AVEN: variants seen among roughly 807,000 people sequenced by gnomAD.
AVEN encodes the protein cell death regulator Aven.
A neutral mutation model predicts 38.1 loss-of-function variants in AVEN; 41 were observed. The observed-to-expected ratio is 1.08, with a 90% CI of 0.84 to 1.40. AVEN has a LOEUF of 1.40. Among genes scored for constraint, AVEN ranks in the 40% most tolerant of loss-of-function variants. The pLI is 0.00. For missense variants in AVEN, 605 were observed against 438.8 expected, an observed-to-expected ratio of 1.38 and a Z score of -3.38; for synonymous variants, 206 against 171.8, an observed-to-expected ratio of 1.20 and a Z score of -1.56.
chr15:33,897,845 G>A (rs955779094), intron 2 of AVEN, among the ~76,000 whole-genome samples: 3 of 152,098 alleles, frequency 2.0e-5, no homozygotes, highest in Non-Finnish European at 4.4e-5. Context: ...TTGTGCCACT[G>A]CACTCCAGCC....
rs549398966 is a variant in AVEN, at chr15:33,995,879, C to T, written c.445+7153G>A. Among the ~76,000 whole-genome samples, 7 of 152,366 alleles carry T rather than the reference C, an allele frequency of 4.6e-5. No individual in the cohort carries two copies. In the South Asian group the frequency reaches 1.4e-3, roughly 32 times the overall value. ...GGGCGAGCTGAAGCGGGGCGGGGCG[C>T]TGCCTCACCCTGGAAGCGCAAGGGG... is the stretch of plus-strand genomic sequence containing the variant. On this transcript the variant is annotated intron_variant, in intron 2 of 5. Coordinates refer to ENST00000306730, the MANE Select transcript of AVEN (RefSeq NM_020371.3).
chr15:34,026,228 T>C (rs185917558), intron 1 of AVEN, among the ~76,000 whole-genome samples: 11 of 152,304 alleles, frequency 7.2e-5, no homozygotes, highest in African/African-American at 2.6e-4. Context: ...CCCAGTTTTA[T>C]GAGAAAAGAA....
At chr15:33,870,145 TGTACCTTTGAA>T (rs1281854227) in intron 4 of AVEN, among the ~76,000 whole-genome samples, 4 of 152,286 alleles carry the variant, frequency 2.6e-5, no homozygotes, top group African/African-American at 9.6e-5. Flanking sequence ...TCCTGTTAAT[TGTACCTTTGAA>T]GTACCTCAGT....
At chr15:33,876,487 G>T (rs534160729) in intron 2 of AVEN, among the ~76,000 whole-genome samples, 1 of 152,008 alleles carries the variant, frequency 6.6e-6, no homozygotes, top group Non-Finnish European at 1.5e-5. Context: ...CAGGAGAATC[G>T]CTTCAACCCG....
chr15:33,930,127 A>C (rs1893785619), intron 2 of AVEN, among the ~76,000 whole-genome samples: 1 of 152,132 alleles, frequency 6.6e-6, no homozygotes. Context: ...AAAGCAATAG[A>C]AAAAAATTAA....
chr15:33,910,446 C>T (rs1892876086), intron 2 of AVEN, among the ~76,000 whole-genome samples: 1 of 152,206 alleles, frequency 6.6e-6, no homozygotes, highest in Non-Finnish European at 1.5e-5. Context: ...AGAACTCAGG[C>T]CACAAAGGCA....
intron 4 of AVEN, among the ~76,000 whole-genome samples, chr15:33,870,203 G>A (rs913557616): frequency 6.6e-6 from 1 of 152,024 alleles, no homozygotes; most frequent in Non-Finnish European, 1.5e-5. Flanking sequence ...CGTCATTACT[G>A]TAGTCCAAGC....
chr15:33,854,908 A>C (rs1262104945), downstream of AVEN: 2 of 1,609,882 alleles, frequency 1.2e-6, no homozygotes, highest in Non-Finnish European at 1.7e-6. Context: ...CACAATGGCA[A>C]ACAGGTATGG....
At chr15:34,002,944 G>T in intron 2 of AVEN, 88 bp downstream of exon 2, 1 of 1,193,884 alleles carries the variant, frequency 8.4e-7, no homozygotes, top group Non-Finnish European at 1.2e-6. Flanking sequence ...TAAATTGCTA[G>T]TTATAAAAGT....
intron 2 of AVEN, among the ~76,000 whole-genome samples, chr15:33,897,479 A>AGGCTGGTC (rs1488409336): frequency 2.0e-5 from 3 of 152,044 alleles, no homozygotes; most frequent in Non-Finnish European, 4.4e-5. Context: ...CATGTTGGCC[A>AGGCTGGTC]GGCTGGTCTT....
At chr15:34,041,788 G>T (rs2702318), upstream of AVEN, among the ~76,000 whole-genome samples, 1 of 152,102 alleles carries the variant, frequency 6.6e-6, no homozygotes, top group Non-Finnish European at 1.5e-5. Flanking sequence ...TTACAGATAA[G>T]AAAACTGAGT....
chr15:33,896,404 C>A (rs1892234426), intron 2 of AVEN, among the ~76,000 whole-genome samples: 1 of 152,210 alleles, frequency 6.6e-6, no homozygotes, highest in African/African-American at 2.4e-5. Context: ...CTCCCTTACA[C>A]TCTATACTTC....
Position 33,980,794 on chromosome 15 carries a change from T to C in AVEN, c.445+22238A>G, listed in dbSNP as rs1896104230. Among the ~76,000 whole-genome samples the C allele has an allele frequency of 3.9e-5, 6 of 152,306 alleles. No individual in the cohort carries two copies. The South Asian group carries it at 1.2e-3, about 32-fold the overall frequency. ...TTAACTAGTTCCCAAATCCCATGTG[T>C]ACCATATGCAAAACATTATCAACAA... On this transcript the variant is annotated intron_variant, in intron 2 of 5. Transcript: ENST00000306730.
At chr15:33,994,115 G>A (rs560355056) in intron 2 of AVEN, among the ~76,000 whole-genome samples, 3 of 152,200 alleles carry the variant, frequency 2.0e-5, no homozygotes, top group South Asian at 2.1e-4. Context: ...GTTAGGAACC[G>A]GGCTGCATAG....
At chr15:33,996,209 T>G (rs1344330066) in intron 2 of AVEN, among the ~76,000 whole-genome samples, 1 of 152,188 alleles carries the variant, frequency 6.6e-6, no homozygotes, top group East Asian at 1.9e-4. Context: ...CACTGCAGCT[T>G]AGCAAGGCCT....
At chr15:33,874,079 A>C (rs1489022458) in intron 3 of AVEN, among the ~76,000 whole-genome samples, 1 of 152,112 alleles carries the variant, frequency 6.6e-6, no homozygotes, top group Non-Finnish European at 1.5e-5. Context: ...GTTAGATCTA[A>C]CCATTTCCAT....
At chr15:33,945,966 C>T (rs1894494452) in intron 2 of AVEN, among the ~76,000 whole-genome samples, 2 of 152,112 alleles carry the variant, frequency 1.3e-5, no homozygotes, top group Non-Finnish European at 2.9e-5. Context: ...TCTTTTCATC[C>T]AAATTCACCG....
In AVEN at chr15:33,983,930, GAA is replaced by G. The variant is rs11353733; in HGVS notation, c.445+19100_445+19101del. Among the ~76,000 whole-genome samples the G allele has an allele frequency of 1.5e-3, 215 of 143,062 alleles. 1 individual carries two copies. Among genetic ancestry groups the G allele is most frequent in the African/African-American group, 4.9e-3 (194 of 39,690 alleles). 93.9% of individuals were successfully genotyped at this position (143,062 alleles called of 152,430 possible). A position where few individuals can be genotyped will look rare whatever the true frequency, so the allele number is the denominator to read the frequency against. ...GAATCCATAATCTCAGCCTCATCAT[GAA>G]AAAAAAAAAAATCAGAAAAACCCAA... On this transcript the variant is annotated intron_variant, in intron 2 of 5. Transcript: ENST00000306730.
chr15:34,011,159 T>C (rs1442007866), intron 1 of AVEN, among the ~76,000 whole-genome samples: 1 of 152,026 alleles, frequency 6.6e-6, no homozygotes, highest in Non-Finnish European at 1.5e-5. Context: ...GCCACTGCAC[T>C]CCAGCCTGGG....
Sources: gnomAD v4.1 joint callset for allele counts (sites outside exome capture counted in the v4.1 genomes callset) on GRCh38, gnomAD v4.1.1 for gene constraint, MANE v1.5 for transcripts, NCBI Gene and HGNC (gene_info 2026-07-23, HGNC 2026-07-21) for gene names.